Variants in XRCC4 observed in about 807,000 individuals in gnomAD.
XRCC4 encodes the protein DNA repair protein XRCC4.
In XRCC4, 28 loss-of-function variants were observed where a neutral mutation model predicts 39.1. That is an observed-to-expected ratio of 0.72 (90% CI 0.53 to 0.98). The LOEUF is 0.98. XRCC4 is among the 50% of genes least tolerant of loss of function. The pLI is 0.00. For missense variants in XRCC4, 350 were observed against 376.4 expected (o/e 0.93, Z 0.58); for synonymous variants, 123 against 126.4 (o/e 0.97, Z 0.18).
chr5:83,309,323 G>T (rs1381893597), intron 7 of XRCC4, among the ~76,000 whole-genome samples: 2 of 109,722 alleles, frequency 1.8e-5, no homozygotes, highest in East Asian at 9.0e-4. Flanking sequence ...ATATATATAG[G>T]CTATGCTGGC....
intron 3 of XRCC4, among the ~76,000 whole-genome samples, chr5:83,135,123 C>G (rs942711616): frequency 7.2e-5 from 11 of 152,220 alleles, no homozygotes; most frequent in Admixed American, 5.9e-4. Flanking sequence ...TACCGTCTGT[C>G]ATGGCATCCC....
intron 7 of XRCC4, among the ~76,000 whole-genome samples, chr5:83,351,883 A>T (rs528231477): frequency 2.0e-5 from 3 of 152,162 alleles, no homozygotes; most frequent in Non-Finnish European, 2.9e-5. Context: ...CTCATCACCT[A>T]AACACACTTG....
chr5:83,363,499 G>A, the XRCC4 span, among the ~76,000 whole-genome samples: 5 of 152,306 alleles, frequency 3.3e-5, no homozygotes, highest in East Asian at 5.8e-4. Context: ...CACGCACTCA[G>A]ACTCTCCTAT....
chr5:83,113,967 C>T (rs182666146), intron 3 of XRCC4, among the ~76,000 whole-genome samples: 1 of 152,300 alleles, frequency 6.6e-6, no homozygotes, highest in East Asian at 1.9e-4. Flanking sequence ...GCAGAGGTTC[C>T]CAAACCTCAA....
intron 6 of XRCC4, among the ~76,000 whole-genome samples, chr5:83,228,385 C>T (rs967534206): frequency 9.9e-5 from 15 of 151,810 alleles, no homozygotes; most frequent in Admixed American, 5.3e-4. Flanking sequence ...TGTCCTTGTG[C>T]CTCCAGAGTT....
At chr5:83,209,660 G>A (rs894914101) in intron 6 of XRCC4, among the ~76,000 whole-genome samples, 1 of 151,894 alleles carries the variant, frequency 6.6e-6, no homozygotes, top group African/African-American at 2.4e-5. Flanking sequence ...CTATCATAAG[G>A]CTAATGATTT....
chr5:83,102,134 G>A (rs914055497), intron 1 of XRCC4, among the ~76,000 whole-genome samples: 1 of 152,020 alleles, frequency 6.6e-6, no homozygotes, highest in Non-Finnish European at 1.5e-5. Flanking sequence ...TATTTAGGAT[G>A]AAGTAATAGT....
At chr5:83,222,241 C>T (rs1752113824) in intron 6 of XRCC4, among the ~76,000 whole-genome samples, 1 of 151,894 alleles carries the variant, frequency 6.6e-6, no homozygotes, top group South Asian at 2.1e-4. Context: ...ACTATTCCAA[C>T]TTTCTTCATT....
At chr5:83,355,569 T>A (rs1175001752), downstream of XRCC4, among the ~76,000 whole-genome samples, 1 of 152,234 alleles carries the variant, frequency 6.6e-6, no homozygotes, top group Non-Finnish European at 1.5e-5. Flanking sequence ...AAGAAATAAT[T>A]ATTCAGAAAG....
At chr5:83,214,167 A>G (rs1751757706) in intron 6 of XRCC4, among the ~76,000 whole-genome samples, 1 of 152,178 alleles carries the variant, frequency 6.6e-6, no homozygotes, top group Non-Finnish European at 1.5e-5. Context: ...GTCTGCTCCC[A>G]TCACTTCTAT....
intron 7 of XRCC4, among the ~76,000 whole-genome samples, chr5:83,302,399 G>C (rs542133421): frequency 6.6e-6 from 1 of 152,322 alleles, no homozygotes; most frequent in African/African-American, 2.4e-5. Context: ...TGTAGTGTCT[G>C]GGCTGGAGTG....
At chr5:83,226,019 C>T (rs901424719) in intron 6 of XRCC4, among the ~76,000 whole-genome samples, 6 of 151,924 alleles carry the variant, frequency 3.9e-5, no homozygotes, top group African/African-American at 9.7e-5. Context: ...GAAACCTCTT[C>T]GGGGGATAAA....
At position 83,222,725 on chromosome 5, in the gene XRCC4, T is replaced by C. The variant is rs116084354; in HGVS notation, c.745+17804T>C. ...TACAATTTTAGATGTTTGTGTTTTTTTGTTTTTGTTTTTGCTTTTTTGTAC... is the reference window on the plus strand; with the variant it reads ...TACAATTTTAGATGTTTGTGTTTTTCTGTTTTTGTTTTTGCTTTTTTGTAC... On this transcript the variant is annotated intron_variant, in intron 6 of 7. Coordinates refer to ENST00000396027, the MANE Select transcript of XRCC4 (RefSeq NM_003401.5). 7.4e-3 allele frequency among the ~76,000 whole-genome samples: 1,119 copies of C among 152,208 alleles called. 16 individuals are homozygous for C. The highest frequency in any genetic ancestry group is 0.026 in the African/African-American group (1,072 of 41,556).
intron 6 of XRCC4, among the ~76,000 whole-genome samples, chr5:83,232,656 T>A (rs1159180876): frequency 6.6e-6 from 1 of 152,070 alleles, no homozygotes; most frequent in Non-Finnish European, 1.5e-5. Flanking sequence ...TATCCTCCTA[T>A]CTCTCTTCCA....
intron 3 of XRCC4, among the ~76,000 whole-genome samples, chr5:83,165,182 T>C (rs1352671079): frequency 6.6e-6 from 1 of 151,868 alleles, no homozygotes; most frequent in Non-Finnish European, 1.5e-5. Context: ...AATGAAATAA[T>C]TCCCCCTTTA....
intron 7 of XRCC4, among the ~76,000 whole-genome samples, chr5:83,323,464 A>C (rs73138296): frequency 0.022 from 3,387 of 152,246 alleles, 106 homozygotes; most frequent in African/African-American, 0.071. Context: ...AACCATATCA[A>C]CAGTACCATA....
At chr5:83,173,915 T>G (rs1186426181) in intron 3 of XRCC4, among the ~76,000 whole-genome samples, 1 of 152,210 alleles carries the variant, frequency 6.6e-6, no homozygotes, top group East Asian at 1.9e-4. Context: ...ACCTTTATAC[T>G]CAGTCTTTCT....
chr5:83,108,271 T>C (rs901224318), intron 2 of XRCC4, among the ~76,000 whole-genome samples: 2 of 152,008 alleles, frequency 1.3e-5, no homozygotes, highest in South Asian at 2.1e-4. Flanking sequence ...AATTCAAAAC[T>C]GGTGACCAGG....
At chr5:83,237,230 A>G (rs1383108608) in intron 6 of XRCC4, among the ~76,000 whole-genome samples, 4 of 152,156 alleles carry the variant, frequency 2.6e-5, no homozygotes, top group African/African-American at 9.7e-5. Flanking sequence ...AAAGAAAATA[A>G]ATCAGTATAT....
Sources: allele counts gnomAD v4.1 joint callset (sites outside exome capture counted in the v4.1 genomes callset), GRCh38; gene constraint gnomAD v4.1.1; transcripts MANE v1.5; gene names NCBI Gene and HGNC (gene_info 2026-07-23, HGNC 2026-07-21).